The following RGS7 variants were observed in gnomAD, a reference collection of about 807,000 sequenced individuals.
RGS7 encodes the protein regulator of G protein signaling 7, also known as regulator of G-protein signaling 7.
RGS7 carries 27 observed loss-of-function variants against 81.1 expected under a neutral mutation model. That is an observed-to-expected ratio of 0.33 (90% CI 0.25 to 0.46). RGS7 has a LOEUF of 0.46. RGS7 is among the 20% of genes least tolerant of loss of function. The pLI, the probability that RGS7 is intolerant of heterozygous loss-of-function variation, is 1.00. For synonymous variants in RGS7, 208 were observed against 207.7 expected, an observed-to-expected ratio of 1.00 and a Z score of -0.01; for missense variants, 396 against 607.4, an observed-to-expected ratio of 0.65 and a Z score of 3.66.
chr1:240,809,174 T>C (rs1197744629), intron 14 of RGS7, among the ~76,000 whole-genome samples: 2 of 152,204 alleles, frequency 1.3e-5, no homozygotes, highest in African/African-American at 4.8e-5. Flanking sequence ...CTATGCTATG[T>C]GTTTTGCTCA....
intron 2 of RGS7, among the ~76,000 whole-genome samples, chr1:241,099,043 T>C (rs965503999): frequency 5.9e-5 from 9 of 152,212 alleles, no homozygotes; most frequent in African/African-American, 2.2e-4. Context: ...GTTATAAAGG[T>C]TAAGATCAAA....
intron 10 of RGS7, among the ~76,000 whole-genome samples, chr1:240,826,365 G>C (rs779595366): frequency 5.9e-4 from 90 of 152,214 alleles, no homozygotes; most frequent in Non-Finnish European, 9.6e-4. Flanking sequence ...AAAAAATATT[G>C]AGTGCTTACT....
chr1:240,974,234 T>C (rs1390155088), intron 4 of RGS7, among the ~76,000 whole-genome samples: 5 of 152,204 alleles, frequency 3.3e-5, no homozygotes, highest in African/African-American at 1.2e-4. Context: ...AGGAAGAAAC[T>C]TTGCAGGTAT....
At chr1:241,008,133 C>A (rs2058769029) in intron 3 of RGS7, among the ~76,000 whole-genome samples, 1 of 150,982 alleles carries the variant, frequency 6.6e-6, no homozygotes, top group South Asian at 2.1e-4. Flanking sequence ...AACAAACAAA[C>A]AAACAAAACA....
chr1:241,111,600 A>AC (rs768175493), intron 2 of RGS7, among the ~76,000 whole-genome samples: 12 of 148,868 alleles, frequency 8.1e-5, no homozygotes, highest in South Asian at 6.4e-4. Flanking sequence ...ACATAGCAAG[A>AC]CCCCCCCTCT....
chr1:241,227,807 T>C (rs955833600), intron 2 of RGS7, among the ~76,000 whole-genome samples: 8 of 152,108 alleles, frequency 5.3e-5, no homozygotes, highest in African/African-American at 1.9e-4. Flanking sequence ...TGAGGGAATA[T>C]TCTATTTGGC....
At chr1:240,883,830 C>T (rs556158439) in intron 6 of RGS7, among the ~76,000 whole-genome samples, 22 of 152,224 alleles carry the variant, frequency 1.4e-4, no homozygotes, top group Non-Finnish European at 2.4e-4. Flanking sequence ...AATCCCAGCA[C>T]TTTGGGAGGC....
At chr1:241,098,224 A>G (rs775401472) in intron 3 of RGS7, among the ~76,000 whole-genome samples, 20 of 152,184 alleles carry the variant, frequency 1.3e-4, no homozygotes, top group Non-Finnish European at 1.8e-4. Context: ...TTCGGTGAGC[A>G]CAGTTGGTGG....
At chr1:240,936,573 G>A (rs1370889089) in intron 5 of RGS7, 27 bp downstream of exon 5, 15 of 1,545,822 alleles carry the variant, frequency 9.7e-6, no homozygotes, top group Admixed American at 3.3e-5. Flanking sequence ...CTAGTTTACT[G>A]TTAAAGAACA....
chr1:241,224,017 A>T (rs202075671), intron 2 of RGS7, among the ~76,000 whole-genome samples: 1 of 149,756 alleles, frequency 6.7e-6, no homozygotes, highest in Non-Finnish European at 1.5e-5. Context: ...AAAAAAAAAA[A>T]GTGTTTTATA....
At chr1:240,879,756 A>G (rs559177397) in intron 6 of RGS7, among the ~76,000 whole-genome samples, 1 of 152,346 alleles carries the variant, frequency 6.6e-6, no homozygotes, top group East Asian at 1.9e-4. Context: ...ATGATGGAGA[A>G]ATTAGCATAT....
intron 3 of RGS7, among the ~76,000 whole-genome samples, chr1:241,000,554 T>A (rs1572199632): frequency 6.6e-6 from 1 of 152,224 alleles, no homozygotes; most frequent in African/African-American, 2.4e-5. Flanking sequence ...ACTTTCTTTT[T>A]TTCAGCACTG....
chr1:240,965,864 T>C (rs1682205638), intron 4 of RGS7, among the ~76,000 whole-genome samples: 1 of 152,192 alleles, frequency 6.6e-6, no homozygotes, highest in Non-Finnish European at 1.5e-5. Context: ...GGACATCTGT[T>C]AGTAAATCGG....
chr1:240,938,510 A>G (rs1209112206), intron 4 of RGS7, among the ~76,000 whole-genome samples: 4 of 151,940 alleles, frequency 2.6e-5, no homozygotes, highest in African/African-American at 7.3e-5. Flanking sequence ...CCATCCTTTT[A>G]CCCCTTACAC....
chr1:241,254,016 C>T (rs369322181), intron 2 of RGS7, among the ~76,000 whole-genome samples: 12 of 151,808 alleles, frequency 7.9e-5, no homozygotes, highest in East Asian at 3.9e-4. Flanking sequence ...CTGGCTAACA[C>T]GATGAAACAC....
chr1:241,000,572 C>A (rs188405015), intron 3 of RGS7, among the ~76,000 whole-genome samples: 1 of 152,164 alleles, frequency 6.6e-6, no homozygotes, highest in Admixed American at 6.5e-5. Flanking sequence ...CTGAATGGTC[C>A]AGAACTGTAC....
chr1:241,034,243 C>T (rs1047176304), intron 3 of RGS7, among the ~76,000 whole-genome samples: 16 of 152,190 alleles, frequency 1.1e-4, no homozygotes, highest in Admixed American at 9.8e-4. Context: ...GGTTTCTTAG[C>T]TTGGTCTGCA....
intron 18 of RGS7, among the ~76,000 whole-genome samples, chr1:240,787,829 T>C (rs1160201301): frequency 6.6e-6 from 1 of 152,168 alleles, no homozygotes; most frequent in Non-Finnish European, 1.5e-5. Context: ...ACATGTAATC[T>C]CAGCACATGA....
intron 2 of RGS7, among the ~76,000 whole-genome samples, chr1:241,124,859 C>G (rs1054066720): frequency 3.9e-5 from 6 of 152,176 alleles, no homozygotes; most frequent in Admixed American, 3.9e-4. Context: ...GAGGCAAAAG[C>G]CAGCGAACTT....
Sources: allele counts gnomAD v4.1 joint callset (sites outside exome capture counted in the v4.1 genomes callset), GRCh38; gene constraint gnomAD v4.1.1; transcripts MANE v1.5; gene names NCBI Gene and HGNC (gene_info 2026-07-23, HGNC 2026-07-21).